The following NAALADL2 variants were observed in gnomAD, a reference collection of about 807,000 sequenced individuals.
NAALADL2 encodes inactive N-acetylated-alpha-linked acidic dipeptidase-like protein 2.
A neutral mutation model predicts 87.2 loss-of-function variants in NAALADL2; 76 were observed. The ratio of observed to expected loss-of-function variants is 0.87; its 90% confidence interval spans 0.72 to 1.05. The LOEUF (loss-of-function observed/expected upper bound fraction) is 1.05, where lower values mean the gene tolerates loss of function less well. NAALADL2 is among the 50% of genes least tolerant of loss of function. NAALADL2 has a pLI of 0.00. For synonymous variants in NAALADL2, 354 were observed against 331.0 expected, an observed-to-expected ratio of 1.07 and a Z score of -0.75; for missense variants, 1,089 against 945.8, an observed-to-expected ratio of 1.15 and a Z score of -1.99.
intron 1 of NAALADL2, among the ~76,000 whole-genome samples, chr3:174,492,493 A>C (rs1244931549): frequency 6.6e-6 from 1 of 151,986 alleles, no homozygotes; most frequent in Non-Finnish European, 1.5e-5. Context: ...ATAATTTTGG[A>C]GTAGCATAAG....
chr3:174,682,593 A>T (rs1399378405), intron 2 of NAALADL2, among the ~76,000 whole-genome samples: 1 of 152,208 alleles, frequency 6.6e-6, no homozygotes, highest in Non-Finnish European at 1.5e-5. Context: ...AGAAAACAAG[A>T]GTCTTTGCCT....
At chr3:175,158,030 A>C (rs1222232708) in intron 2 of NAALADL2, among the ~76,000 whole-genome samples, 1 of 152,128 alleles carries the variant, frequency 6.6e-6, no homozygotes, top group East Asian at 1.9e-4. Context: ...TTATTAAAGA[A>C]CTTTGTAGAC....
chr3:175,504,758 G>A (rs916355507), intron 9 of NAALADL2, among the ~76,000 whole-genome samples: 8 of 152,006 alleles, frequency 5.3e-5, no homozygotes, highest in Admixed American at 2.0e-4. Flanking sequence ...CTAAGTTAGT[G>A]ACCATGGACA....
intron 13 of NAALADL2, among the ~76,000 whole-genome samples, chr3:175,801,635 C>T (rs1293839933): frequency 2.0e-5 from 3 of 152,068 alleles, no homozygotes; most frequent in African/African-American, 7.2e-5. Context: ...CTTTTTTAGA[C>T]CTTTCCCAGT....
At chr3:175,687,751 G>C (rs1736499470) in intron 11 of NAALADL2, among the ~76,000 whole-genome samples, 1 of 152,140 alleles carries the variant, frequency 6.6e-6, no homozygotes, top group African/African-American at 2.4e-5. Context: ...TCACGGCTTG[G>C]TGCCGTCCTT....
chr3:175,227,194 T>C (rs1744278105), intron 2 of NAALADL2, among the ~76,000 whole-genome samples: 1 of 152,052 alleles, frequency 6.6e-6, no homozygotes, highest in Admixed American at 6.6e-5. Flanking sequence ...GCATTCAACC[T>C]GGTGTTAGGA....
chr3:175,665,831 T>C (rs145853022), intron 11 of NAALADL2, among the ~76,000 whole-genome samples: 3,896 of 152,060 alleles, frequency 0.026, 166 homozygotes, highest in African/African-American at 0.088. Flanking sequence ...CTAGGGAGGC[T>C]GAGGCAGGAG....
rs76536688 is a variant in NAALADL2, at chr3:175,796,979, A to C, written c.2190-6026A>C. Among the ~76,000 whole-genome samples the C allele has an allele frequency of 5.9e-5, 9 of 151,412 alleles. No homozygotes were observed. The East Asian group carries it at 1.6e-3, about 26-fold the overall frequency. ...TTTCAGTTTTCTTTTGCTTTAGTTAAGAGGAAAAGATTTGTCAGTTGAGTA... is the reference window on the plus strand; with the variant it reads ...TTTCAGTTTTCTTTTGCTTTAGTTACGAGGAAAAGATTTGTCAGTTGAGTA... On this transcript the variant is annotated intron_variant, in intron 13 of 13. Coordinates refer to ENST00000454872, the MANE Select transcript of NAALADL2 (RefSeq NM_207015.3).
At chr3:175,535,843 C>G (rs958712684) in intron 9 of NAALADL2, among the ~76,000 whole-genome samples, 1 of 152,204 alleles carries the variant, frequency 6.6e-6, no homozygotes, top group Non-Finnish European at 1.5e-5. Flanking sequence ...TAATAACTAC[C>G]TGTAAACGGG....
At chr3:175,751,179 CT>C (rs1336941429) in intron 12 of NAALADL2, among the ~76,000 whole-genome samples, 1 of 151,926 alleles carries the variant, frequency 6.6e-6, no homozygotes, top group African/African-American at 2.4e-5. Flanking sequence ...TAAAAGAATC[CT>C]TTTTAAAGTT....
intron 2 of NAALADL2, among the ~76,000 whole-genome samples, chr3:175,159,592 A>G (rs764852746): frequency 6.6e-6 from 1 of 152,200 alleles, no homozygotes; most frequent in Non-Finnish European, 1.5e-5. Context: ...ATCTGGGATA[A>G]CACCAATGAT....
At chr3:175,454,534 T>C (rs1476788908) in intron 6 of NAALADL2, among the ~76,000 whole-genome samples, 1 of 152,064 alleles carries the variant, frequency 6.6e-6, no homozygotes, top group East Asian at 1.9e-4. Flanking sequence ...CTTTGTCTTC[T>C]GACCTTTGCA....
At chr3:174,694,743 G>T (rs1253360905) in intron 2 of NAALADL2, among the ~76,000 whole-genome samples, 1 of 151,892 alleles carries the variant, frequency 6.6e-6, no homozygotes, top group Non-Finnish European at 1.5e-5. Flanking sequence ...ATCCATTTTT[G>T]TTAACTAGTA....
chr3:174,563,373 A>G (rs776453254), intron 2 of NAALADL2, among the ~76,000 whole-genome samples: 7 of 151,656 alleles, frequency 4.6e-5, no homozygotes, highest in Non-Finnish European at 1.0e-4. Context: ...TAGAAATTTT[A>G]TGAGATAAAA....
intron 1 of NAALADL2, among the ~76,000 whole-genome samples, chr3:174,991,913 G>A (rs1746803103): frequency 6.6e-6 from 1 of 152,052 alleles, no homozygotes; most frequent in South Asian, 2.1e-4. Context: ...ATCCATAGGA[G>A]TTTTCAGAGG....
At chr3:174,794,980 G>GTTTTT (rs1560232117) in intron 3 of NAALADL2, among the ~76,000 whole-genome samples, 1 of 75,048 alleles carries the variant, frequency 1.3e-5, no homozygotes, top group African/African-American at 4.5e-5. Flanking sequence ...TTCTAGTCCA[G>GTTTTT]CTTTTTTTTT....
rs115504100 is a variant in NAALADL2, at chr3:175,657,025, G to A, written c.1896+29639G>A. On this transcript the variant is annotated intron_variant, in intron 11 of 13. Coordinates refer to ENST00000454872, the MANE Select transcript of NAALADL2 (RefSeq NM_207015.3). ...CCTTGAAAAATGAGTGTAAGAAAAC[G>A]TACTTACATATAAGAAAACTAAAGG... Among the ~76,000 whole-genome samples, 988 of 152,088 alleles carry A rather than the reference G, an allele frequency of 6.5e-3. 2 individuals are homozygous for A. The highest frequency in any genetic ancestry group is 9.9e-3 in the Non-Finnish European group (671 of 67,978).
At chr3:175,334,828 G>A (rs1238595003) in intron 5 of NAALADL2, among the ~76,000 whole-genome samples, 1 of 152,134 alleles carries the variant, frequency 6.6e-6, no homozygotes, top group African/African-American at 2.4e-5. Flanking sequence ...CTCCCTTTGT[G>A]TTCCACTTTG....
At chr3:175,361,166 G>T (rs971484148) in intron 5 of NAALADL2, among the ~76,000 whole-genome samples, 1 of 151,932 alleles carries the variant, frequency 6.6e-6, no homozygotes, top group Non-Finnish European at 1.5e-5. Flanking sequence ...ATGTTTTCCA[G>T]TTCATCCATG....
Sources: gnomAD v4.1 joint callset for allele counts (sites outside exome capture counted in the v4.1 genomes callset) on GRCh38, gnomAD v4.1.1 for gene constraint, MANE v1.5 for transcripts, NCBI Gene and HGNC (gene_info 2026-07-23, HGNC 2026-07-21) for gene names.